The following CDH11 variants were observed in gnomAD, a reference collection of about 807,000 sequenced individuals.
The protein encoded by CDH11 is cadherin-11.
CDH11 carries 11 observed loss-of-function variants against 67.8 expected under a neutral mutation model. The ratio of observed to expected loss-of-function variants is 0.16; its 90% CI spans 0.10 to 0.27. CDH11 has a LOEUF of 0.27. CDH11 is among the 10% of genes least tolerant of loss of function. CDH11 has a pLI of 1.00. For synonymous variants in CDH11, 419 were observed against 400.0 expected (o/e 1.05, Z -0.57); for missense variants, 847 against 1,031.2 (o/e 0.82, Z 2.45).
intron 2 of CDH11, among the ~76,000 whole-genome samples, chr16:65,005,400 C>T (rs1331861457): frequency 6.6e-6 from 1 of 152,098 alleles, no homozygotes; most frequent in Non-Finnish European, 1.5e-5. Flanking sequence ...ACATATAATC[C>T]ACACTGGGGT....
At chr16:64,970,308 C>A (rs1249641164) in intron 11 of CDH11, among the ~76,000 whole-genome samples, 1 of 152,146 alleles carries the variant, frequency 6.6e-6, no homozygotes, top group African/African-American at 2.4e-5. Flanking sequence ...ATCATAGACC[C>A]TCAAAATCCA....
rs1471732983 is a variant in CDH11 at position 64,947,611 on chromosome 16, C to A, written c.2383G>T (p.Asp795Tyr). 1 of 1,604,874 alleles carries A rather than the reference C, an allele frequency of 6.2e-7. No individual in the cohort carries two copies. Among genetic ancestry groups the A allele is most frequent in the South Asian group, 1.1e-5 (1 of 90,820 alleles). ...AATTTGTATCGTTATTGTTAAGAATCGTCATCAAAAGTGTCTTTGGAACCA... is the reference window on the plus strand; with the variant it reads ...AATTTGTATCGTTATTGTTAAGAATAGTCATCAAAAGTGTCTTTGGAACCA... ...LYGSKDTFDD[D>Y]S Residue 795 changes from aspartate to tyrosine, a missense_variant, in exon 13 of 13, where the codon GAT becomes TAT. This residue lies in a region of CDH11 where 612 missense variants were observed against 678.7 expected (regional missense o/e 0.90). Coordinates refer to ENST00000268603, the MANE Select transcript of CDH11 (RefSeq NM_001797.4).
chr16:65,033,673 G>C (rs757237389), intron 2 of CDH11, among the ~76,000 whole-genome samples: 4 of 151,812 alleles, frequency 2.6e-5, no homozygotes, highest in Non-Finnish European at 5.9e-5. Flanking sequence ...GGAGGTGGAG[G>C]TTGCAGTGAG....
chr16:65,001,855 C>T (rs550295802), intron 3 of CDH11, among the ~76,000 whole-genome samples: 2 of 151,790 alleles, frequency 1.3e-5, no homozygotes, highest in East Asian at 1.9e-4. Flanking sequence ...TCAAGGGATC[C>T]AGTTGCTGAG....
intron 11 of CDH11, among the ~76,000 whole-genome samples, chr16:64,955,088 T>C (rs2071473176): frequency 6.6e-6 from 1 of 150,708 alleles, no homozygotes; most frequent in Admixed American, 6.6e-5. Flanking sequence ...CTACTAAAAA[T>C]ACAAAAAATT....
intron 1 of CDH11, among the ~76,000 whole-genome samples, chr16:65,061,618 T>C (rs955902419): frequency 3.3e-5 from 5 of 152,208 alleles, no homozygotes; most frequent in Admixed American, 2.6e-4. Context: ...GTGCAAGTAT[T>C]AAGTTTGAAA....
intron 1 of CDH11, among the ~76,000 whole-genome samples, chr16:65,120,781 G>A (rs1489858106): frequency 6.6e-6 from 1 of 152,188 alleles, no homozygotes; most frequent in Non-Finnish European, 1.5e-5. Context: ...GCGAGCCCCG[G>A]GCGAAAGCAG....
chr16:65,082,377 A>G (rs919518935), intron 1 of CDH11, among the ~76,000 whole-genome samples: 3 of 152,198 alleles, frequency 2.0e-5, no homozygotes, highest in Non-Finnish European at 2.9e-5. Flanking sequence ...ACAGCTGGTT[A>G]GAAACAAGTG....
At chr16:65,031,275 C>A (rs577057157) in intron 2 of CDH11, among the ~76,000 whole-genome samples, 3 of 152,218 alleles carry the variant, frequency 2.0e-5, no homozygotes, top group African/African-American at 7.2e-5. Context: ...GTGTATTAAG[C>A]AGAGGCAATA....
Position 64,944,066 on chromosome 16 carries a change from G to C in CDH11, c.*3537C>G. On this transcript the variant is annotated 3_prime_UTR_variant, in exon 13 of 13. Transcript: ENST00000268603. ...AGCATCGTGCACTGAAAGGAGGATG[G>C]AGTGGAATGACACTGGAGAGGTTCG... The C allele has an allele frequency of 4.3e-6, 1 of 232,784 alleles. No individual in the cohort carries two copies. The allele number at this position is 232,784 out of a possible 1,614,324, so 14.4% of individuals were successfully genotyped here.
Position 64,947,661 on chromosome 16 carries a change from C to T in CDH11, c.2333G>A (p.Arg778His), listed in dbSNP as rs1379643687. ...ATACAAATCTGCTAGTTTCTTAAAA[C>T]GAGGTCCCCAGTTCTGTAGATAATC... The part of the protein sequence containing the change: ...DYDYLQNWGP[R>H]FKKLADLYGS... The change falls in exon 13 of 13, where the codon CGT becomes CAT. Residue 778 changes from arginine to histidine, a missense_variant. Transcript: ENST00000268603. The T allele has an allele frequency of 3.1e-6, 5 of 1,614,040 alleles. No homozygotes were observed. Among genetic ancestry groups the T allele is most frequent in the Middle Eastern group, 1.6e-4 (1 of 6,062 alleles).
chr16:65,076,518 T>C (rs2044538742), intron 1 of CDH11, among the ~76,000 whole-genome samples: 2 of 152,240 alleles, frequency 1.3e-5, no homozygotes, highest in Admixed American at 6.5e-5. Context: ...ATCCAGCCCA[T>C]CCTGGCAGCA....
At chr16:64,959,351 C>T (rs895456104) in intron 11 of CDH11, among the ~76,000 whole-genome samples, 45 of 152,156 alleles carry the variant, frequency 3.0e-4, no homozygotes, top group African/African-American at 1.1e-3. Flanking sequence ...TAGTAATTTT[C>T]TCCTTGTTGG....
chr16:65,120,657 G>T (rs921036575), intron 1 of CDH11, among the ~76,000 whole-genome samples: 1 of 152,142 alleles, frequency 6.6e-6, no homozygotes, highest in Non-Finnish European at 1.5e-5. Context: ...ATTAAAAGAT[G>T]CGATTTCTTA....
At chr16:65,034,958 C>T (rs781564308) in intron 2 of CDH11, among the ~76,000 whole-genome samples, 3 of 152,166 alleles carry the variant, frequency 2.0e-5, no homozygotes, top group Non-Finnish European at 2.9e-5. Flanking sequence ...CCTCGACCCT[C>T]GAGTTATCAA....
chr16:64,997,096 C>G (rs7500480), intron 4 of CDH11, among the ~76,000 whole-genome samples: 1 of 151,794 alleles, frequency 6.6e-6, no homozygotes, highest in Non-Finnish European at 1.5e-5. Context: ...GTCAGGAGTT[C>G]AAGACCAGCC....
rs1482248552 is a variant in CDH11, at chr16:64,948,019, T to C, written c.1975A>G (p.Asn659Asp). The change falls in exon 13 of 13, where the codon AAC becomes GAC. Residue 659 changes from asparagine to aspartate, a missense_variant. Physicochemically the swap from Asn to Asp is conservative, Grantham distance 23 (BLOSUM62 1). This residue lies in a region of CDH11 where 612 missense variants were observed against 678.7 expected (regional missense o/e 0.90). Transcript: ENST00000268603. ...CCTTCATCATCATAAGTAATGATGT[T>C]CTCACGGACATCTTCTTCCTCAAAG... ...IVFEEEDVRENIITYDDEGGG... is the reference protein window; with the variant it reads ...IVFEEEDVREDIITYDDEGGG... The C allele has an allele frequency of 6.2e-7, 1 of 1,614,042 alleles. No homozygotes were observed. The highest frequency in any genetic ancestry group is 8.5e-7 in the Non-Finnish European group (1 of 1,180,024).
Position 64,947,855 on chromosome 16 carries a change from G to C in CDH11, c.2139C>G (p.Asn713Lys), listed in dbSNP as rs781578548. 4.3e-6 allele frequency: 7 copies of C among 1,614,044 alleles called. No individual in the cohort carries two copies. Among genetic ancestry groups the C allele is most frequent in the African/African-American group, 2.7e-5 (2 of 74,926 alleles). The change falls in exon 13 of 13, where the codon AAC becomes AAG. Residue 713 changes from asparagine to lysine, a missense_variant. By Grantham distance (94) the Asn-to-Lys change is moderately conservative (BLOSUM62 0). This residue lies in a region of CDH11 where 612 missense variants were observed against 678.7 expected (regional missense o/e 0.90). Transcript: ENST00000268603. The stretch of plus-strand genomic sequence containing the variant: ...TGATGAAGTCATCGACATCCACGCT[G>C]TTGGGCGCTGGCCGGAGCCCAGGTC... ...MPRPGLRPAP[N>K]SVDVDDFINT...
chr16:65,096,011 A>C (rs1043682594), intron 1 of CDH11, among the ~76,000 whole-genome samples: 28 of 152,342 alleles, frequency 1.8e-4, no homozygotes, highest in African/African-American at 6.5e-4. Flanking sequence ...TTCCAGCCAT[A>C]TGCAATTGCT....
Sources: gnomAD v4.1 joint callset for allele counts (sites outside exome capture counted in the v4.1 genomes callset) on GRCh38, gnomAD v4.1.1 for gene constraint, gnomAD v4.1.1 regional missense constraint, MANE v1.5 for transcripts, NCBI Gene and HGNC (gene_info 2026-07-23, HGNC 2026-07-21) for gene names.